The following VAC14 variants were observed in gnomAD, a reference collection of about 807,000 sequenced individuals.
VAC14 encodes protein VAC14 homolog.
A neutral mutation model predicts 85.3 loss-of-function variants in VAC14; 47 were observed. The observed-to-expected ratio is 0.55, with a 90% CI of 0.44 to 0.70. VAC14 has a LOEUF of 0.70. VAC14 is among the 30% of genes least tolerant of loss of function. VAC14 has a pLI of 0.00. For missense variants in VAC14, 861 were observed against 1,004.3 expected, an observed-to-expected ratio of 0.86 and a Z score of 1.93; for synonymous variants, 447 against 430.5, an observed-to-expected ratio of 1.04 and a Z score of -0.47.
At chr16:70,701,136 T>C (rs1263556596) in intron 14 of VAC14, among the ~76,000 whole-genome samples, 1 of 152,136 alleles carries the variant, frequency 6.6e-6, no homozygotes, top group Admixed American at 6.5e-5. Flanking sequence ...CTCTCCTGGT[T>C]TTCCTCCCAC....
At chr16:70,761,932 G>A (rs978041451) in intron 12 of VAC14, among the ~76,000 whole-genome samples, 11 of 152,118 alleles carry the variant, frequency 7.2e-5, no homozygotes, top group African/African-American at 1.9e-4. Context: ...TGCCCTCATT[G>A]AACAGAGGAA....
intron 12 of VAC14, among the ~76,000 whole-genome samples, chr16:70,755,484 A>C (rs768471682): frequency 6.6e-5 from 10 of 152,192 alleles, no homozygotes; most frequent in Non-Finnish European, 1.5e-4. Context: ...GATGCTCTGG[A>C]ATCAGACAGA....
intron 10 of VAC14, among the ~76,000 whole-genome samples, chr16:70,765,778 G>C (rs2032762095): frequency 6.6e-6 from 1 of 152,168 alleles, no homozygotes; most frequent in South Asian, 2.1e-4. Context: ...TCTGCACCCA[G>C]GGGATACCTG....
intron 12 of VAC14, among the ~76,000 whole-genome samples, chr16:70,752,784 G>T (rs970276484): frequency 6.6e-5 from 10 of 152,220 alleles, no homozygotes; most frequent in African/African-American, 2.2e-4. Flanking sequence ...CAGATGTGGG[G>T]CACGTCCAAG....
rs1033858861 is a variant in VAC14 at position 70,780,707 on chromosome 16, G to A, written c.1096+83C>T. 1.4e-4 allele frequency: 215 copies of A among 1,492,378 alleles called. 1 individual carries two copies. The highest frequency in any genetic ancestry group is 5.6e-5 in the Non-Finnish European group (63 of 1,121,696). 92.4% of individuals were successfully genotyped at this position (1,492,378 alleles called of 1,614,324 possible). On this transcript the variant is annotated intron_variant, in intron 9 of 18. Coordinates refer to ENST00000261776, the MANE Select transcript of VAC14 (RefSeq NM_018052.5). ...ACATAAAGTAGTCCTGGTTGCTTAA[G>A]TGAGGCCCCAAGGCAACTCCTATGA... is the stretch of plus-strand genomic sequence containing the variant.
chr16:70,724,107 C>T (rs1023586615), intron 14 of VAC14, among the ~76,000 whole-genome samples: 34 of 152,174 alleles, frequency 2.2e-4, no homozygotes, highest in Non-Finnish European at 1.5e-4. Context: ...CTCTTGGGCC[C>T]CCTAGGCACA....
chr16:70,728,922 G>T (rs1470119614), intron 14 of VAC14, among the ~76,000 whole-genome samples: 2 of 152,158 alleles, frequency 1.3e-5, no homozygotes, highest in East Asian at 3.8e-4. Flanking sequence ...CCTGGTGGGG[G>T]GGCCTCTTGC....
At chr16:70,704,037 C>T (rs1597860112) in intron 14 of VAC14, among the ~76,000 whole-genome samples, 1 of 152,224 alleles carries the variant, frequency 6.6e-6, no homozygotes, top group East Asian at 1.9e-4. Context: ...CTGTCCCTCC[C>T]ATCACTAACA....
chr16:70,699,023 C>A (rs1476567583), intron 14 of VAC14, among the ~76,000 whole-genome samples: 1 of 152,162 alleles, frequency 6.6e-6, no homozygotes, highest in African/African-American at 2.4e-5. Context: ...CCCAGCACTG[C>A]CTACCTGGGC....
At position 70,785,696 on chromosome 16, in the gene VAC14, G is replaced by A. The variant is rs375640224; in HGVS notation, c.423+6C>T. 6.4e-4 allele frequency: 989 copies of A among 1,551,880 alleles called. 1 individual carries two copies. The highest frequency in any genetic ancestry group is 7.6e-4 in the Non-Finnish European group (871 of 1,146,898). ...GCTCAGTGAGGAGGAGGAGGAGGGC[G>A]GTTACCTTGCTCAGCCCGTCAAAGA... On this transcript the variant is annotated splice_donor_region_variant and intron_variant, in intron 3 of 18. Transcript: ENST00000261776.
intron 13 of VAC14, among the ~76,000 whole-genome samples, chr16:70,737,562 C>G (rs186702167): frequency 1.6e-4 from 25 of 152,148 alleles, no homozygotes; most frequent in African/African-American, 5.8e-4. Context: ...AAGTGAGGAG[C>G]CTGCCAGCCC....
At chr16:70,739,989 C>T (rs1288233380) in intron 13 of VAC14, among the ~76,000 whole-genome samples, 1 of 152,060 alleles carries the variant, frequency 6.6e-6, no homozygotes, top group East Asian at 1.9e-4. Flanking sequence ...GAGATGTAGT[C>T]TCGCTCTGTT....
intron 5 of VAC14, 150 bp downstream of exon 5, chr16:70,783,963 T>C (rs2033932668): frequency 3.0e-6 from 2 of 675,468 alleles, no homozygotes; most frequent in Non-Finnish European, 5.1e-6. Context: ...GGGGCAAAGC[T>C]GAATAAGGTG....
At chr16:70,772,430 A>C in intron 9 of VAC14, 11 of 445,946 alleles carry the variant, frequency 2.5e-5, no homozygotes, top group Non-Finnish European at 4.4e-5. Context: ...GTCAAATCTC[A>C]GAAGGGATCA....
intron 14 of VAC14, among the ~76,000 whole-genome samples, chr16:70,725,653 G>A (rs1426785802): frequency 6.6e-6 from 1 of 152,184 alleles, no homozygotes; most frequent in Non-Finnish European, 1.5e-5. Context: ...AGGCTGCCAC[G>A]CCTGTCTGTA....
At chr16:70,735,122 C>A (rs1597905586) in intron 13 of VAC14, among the ~76,000 whole-genome samples, 1 of 152,292 alleles carries the variant, frequency 6.6e-6, no homozygotes, top group East Asian at 1.9e-4. Context: ...CTGTGAAGAG[C>A]TATGGAGCCA....
At chr16:70,744,621 A>G (rs1244409990) in intron 12 of VAC14, 42 bp from the exon 13 acceptor site, 4 of 1,547,318 alleles carry the variant, frequency 2.6e-6, no homozygotes, top group Middle Eastern at 2.1e-4. Context: ...CTCTCCGCTG[A>G]GAGCTGTGCT....
At chr16:70,774,286 C>A (rs949132890) in intron 9 of VAC14, among the ~76,000 whole-genome samples, 10 of 152,142 alleles carry the variant, frequency 6.6e-5, no homozygotes, top group African/African-American at 2.4e-4. Flanking sequence ...ACTTTTGAAG[C>A]GCTGGTCACT....
intron 10 of VAC14, among the ~76,000 whole-genome samples, chr16:70,763,410 TGACCTGACCA>T (rs1394086528): frequency 6.6e-6 from 1 of 152,234 alleles, no homozygotes; most frequent in Non-Finnish European, 1.5e-5. Context: ...GTCACTGAGC[TGACCTGACCA>T]GGCTCAAGGC....
Sources: allele counts gnomAD v4.1 joint callset (sites outside exome capture counted in the v4.1 genomes callset), GRCh38; gene constraint gnomAD v4.1.1; transcripts MANE v1.5; gene names NCBI Gene and HGNC (gene_info 2026-07-23, HGNC 2026-07-21).